Variants in SNX31 observed in about 807,000 individuals in gnomAD.
The protein encoded by SNX31 is sorting nexin 31.
In SNX31, 58 loss-of-function variants were observed where a neutral mutation model predicts 65.4. The observed-to-expected ratio is 0.89, with a 90% confidence interval of 0.72 to 1.10. SNX31 has a LOEUF of 1.10. SNX31 is among the 50% of genes least tolerant of loss of function. SNX31 has a pLI of 0.00. For synonymous variants in SNX31, 181 were observed against 190.1 expected (o/e 0.95, Z 0.39); for missense variants, 523 against 529.7 (o/e 0.99, Z 0.12).
rs1438337483 is a variant in SNX31 at position 100,613,616 on chromosome 8, T to C, written c.433-531A>G. ...CTTGATGTTTCCTGCGATGGTCAAC[T>C]GTAATTTACTAGGATGTTTGCAAAA... On this transcript the variant is annotated intron_variant, in intron 5 of 13. Transcript: ENST00000311812. The surrounding 1 kb of genome is among the most constrained non-coding windows in gnomAD (Gnocchi z 5.2). Among the ~76,000 whole-genome samples the C allele has an allele frequency of 2.0e-5, 3 of 152,256 alleles. No homozygotes were observed. The highest frequency in any genetic ancestry group is 2.9e-5 in the Non-Finnish European group (2 of 68,044).
At position 100,596,632 on chromosome 8, in the gene SNX31, T is replaced by C; in HGVS notation, c.978+7A>G. ...TCATGGGCAAAGCAAGGTGCCAAGA[T>C]ACTCACAAGGAAAGTGACCTGCCAG... On this transcript the variant is annotated splice_region_variant and intron_variant, in intron 10 of 13. Transcript: ENST00000311812. The C allele has an allele frequency of 6.2e-7, 1 of 1,613,402 alleles. No individual in the cohort carries two copies. The highest frequency in any genetic ancestry group is 8.5e-7 in the Non-Finnish European group (1 of 1,179,294).
At chr8:100,595,798 T>C (rs796860312) in intron 10 of SNX31, among the ~76,000 whole-genome samples, 10 of 152,110 alleles carry the variant, frequency 6.6e-5, no homozygotes, top group African/African-American at 2.4e-4. Flanking sequence ...CATCCAGAGG[T>C]AGAAAAAACT....
chr8:100,581,325 C>CTATATATATATA (rs1401988460), intron 12 of SNX31, among the ~76,000 whole-genome samples: 1,743 of 128,620 alleles, frequency 0.014, 98 homozygotes, highest in African/African-American at 0.053. Flanking sequence ...ATATCTATAT[C>CTATATATATATA]TATCTATCTA....
chr8:100,605,430 A>AATGATG (rs757369298), intron 8 of SNX31, among the ~76,000 whole-genome samples: 5 of 151,922 alleles, frequency 3.3e-5, no homozygotes, highest in Non-Finnish European at 7.4e-5. Flanking sequence ...TTCAGGGAAC[A>AATGATG]ATGATGATGA....
intron 9 of SNX31, among the ~76,000 whole-genome samples, chr8:100,597,148 T>C (rs1437579107): frequency 6.6e-6 from 1 of 151,778 alleles, no homozygotes; most frequent in Non-Finnish European, 1.5e-5. Flanking sequence ...ATTCCATGAG[T>C]AAATGAAGAA....
intron 4 of SNX31, 35 bp from the exon 5 acceptor site, chr8:100,617,765 A>G: frequency 7.8e-7 from 1 of 1,288,192 alleles, no homozygotes. Context: ...AAATTTCCAC[A>G]CCTTTTTTTT....
chr8:100,636,835 C>T (rs1273736105), intron 2 of SNX31, among the ~76,000 whole-genome samples: 3 of 152,148 alleles, frequency 2.0e-5, no homozygotes, highest in African/African-American at 7.2e-5. Context: ...AATTCTCCTG[C>T]CTCAGCCTCC....
rs1481140635 is a variant in SNX31 at position 100,622,523 on chromosome 8, T to TCTCA, written c.322-4794_322-4793insTGAG. On this transcript the variant is annotated intron_variant, in intron 4 of 13. Coordinates refer to ENST00000311812, the MANE Select transcript of SNX31 (RefSeq NM_152628.4). The surrounding 1 kb of genome is among the most constrained non-coding windows in gnomAD (Gnocchi z 5.0). Reference sequence around the variant, plus strand: ...GAAATTAGCTGGGCGTGGTGGCACATGCCTGTAATCTCAGCTACTTGGGAG... The same window carrying TCTCA: ...GAAATTAGCTGGGCGTGGTGGCACATCTCAGCCTGTAATCTCAGCTACTTGGGAG... 1.3e-5 allele frequency among the ~76,000 whole-genome samples: 2 copies of TCTCA among 152,030 alleles called. No homozygotes were observed. The highest frequency in any genetic ancestry group is 2.9e-5 in the Non-Finnish European group (2 of 68,000).
rs1253876243 is a variant in SNX31 at position 100,594,889 on chromosome 8, C to T, written c.978+1750G>A. 6.6e-6 allele frequency among the ~76,000 whole-genome samples: 1 copy of T among 152,170 alleles called. No individual in the cohort carries two copies. The highest frequency in any genetic ancestry group is 1.5e-5 in the Non-Finnish European group (1 of 68,026). On this transcript the variant is annotated intron_variant, in intron 10 of 13. Coordinates refer to ENST00000311812, the MANE Select transcript of SNX31 (RefSeq NM_152628.4). This position sits in a 1 kb window ranked among gnomAD's most constrained non-coding sequence, Gnocchi z 4.0. ...ATTCATAATAGCTAAAAACTAGAAA[C>T]AACCAGAGGTTCTTCAATGAGTAAA... is the stretch of plus-strand genomic sequence containing the variant.
intron 10 of SNX31, among the ~76,000 whole-genome samples, chr8:100,591,131 T>G (rs1044914831): frequency 2.0e-5 from 3 of 152,058 alleles, no homozygotes; most frequent in African/African-American, 7.2e-5. Context: ...GATCTACGCG[T>G]GTATAGAGTA....
At chr8:100,589,211 G>T (rs1814346255) in intron 10 of SNX31, among the ~76,000 whole-genome samples, 1 of 147,834 alleles carries the variant, frequency 6.8e-6, no homozygotes, top group Admixed American at 7.0e-5. Context: ...TGAGGCAGGA[G>T]AACCACTTGC....
At chr8:100,580,619 A>G (rs1314464330) in intron 12 of SNX31, among the ~76,000 whole-genome samples, 1 of 152,212 alleles carries the variant, frequency 6.6e-6, no homozygotes, top group African/African-American at 2.4e-5. Context: ...GCTGCCTAGA[A>G]TGTGGATGTA....
chr8:100,581,313 ATATATC>A (rs1380634582), intron 12 of SNX31, among the ~76,000 whole-genome samples: 1 of 124,680 alleles, frequency 8.0e-6, no homozygotes. Context: ...AAAATTTTTT[ATATATC>A]TATATCTATC....
chr8:100,586,896 G>A (rs1347246937), intron 11 of SNX31, among the ~76,000 whole-genome samples: 1 of 152,140 alleles, frequency 6.6e-6, no homozygotes, highest in Non-Finnish European at 1.5e-5. Context: ...TACAATTTTG[G>A]TTTCAATTTG....
intron 3 of SNX31, among the ~76,000 whole-genome samples, chr8:100,634,483 A>G (rs1040136801): frequency 6.6e-6 from 1 of 151,280 alleles, no homozygotes; most frequent in African/African-American, 2.4e-5. Flanking sequence ...ATGGTGGCTC[A>G]CCCCTGTAAT....
Position 100,622,103 on chromosome 8 carries a change from G to A in SNX31, c.322-4373C>T, listed in dbSNP as rs756903650. 3.3e-5 allele frequency among the ~76,000 whole-genome samples: 5 copies of A among 152,124 alleles called. No individual in the cohort carries two copies. Among genetic ancestry groups the A allele is most frequent in the East Asian group, 1.9e-4 (1 of 5,202 alleles). ...GACAATGAAAATAACCTGACTAATC[G>A]GAAGTAGTTGAGTTCTACCTTCTCC... On this transcript the variant is annotated intron_variant, in intron 4 of 13. Transcript: ENST00000311812. The surrounding 1 kb of genome is among the most constrained non-coding windows in gnomAD (Gnocchi z 5.0).
intron 2 of SNX31, among the ~76,000 whole-genome samples, chr8:100,643,918 C>T (rs905118209): frequency 3.9e-5 from 6 of 152,146 alleles, no homozygotes; most frequent in African/African-American, 9.7e-5. Flanking sequence ...CATGAAGCGG[C>T]ACAGCAATCA....
In SNX31 at chr8:100,604,178, G is replaced by A. The variant is rs891329651; in HGVS notation, c.682-3737C>T. ...TCTAGACAAGTCTACTCAGTTACAC[G>A]GTTCCCTGAACACTGGCTGAGAGGG... On this transcript the variant is annotated intron_variant, in intron 8 of 13. Transcript: ENST00000311812. The surrounding 1 kb of genome is among the most constrained non-coding windows in gnomAD (Gnocchi z 4.3). Among the ~76,000 whole-genome samples the A allele has an allele frequency of 2.0e-5, 3 of 151,968 alleles. No homozygotes were observed. Among genetic ancestry groups the A allele is most frequent in the Non-Finnish European group, 4.4e-5 (3 of 68,016 alleles).
At position 100,617,642 on chromosome 8, in the gene SNX31, T is replaced by C. The variant is rs760919579; in HGVS notation, c.410A>G (p.Asp137Gly). 3 of 1,612,156 alleles carry C rather than the reference T, an allele frequency of 1.9e-6. No homozygotes were observed. The highest frequency in any genetic ancestry group is 4.5e-5 in the East Asian group (2 of 44,866). Reference sequence around the variant, plus strand: ...TACCTCTAGGACTCTTTCAGCAGTGTCTGATGTTATAATTTCGATTCTAAT... The same window carrying C: ...TACCTCTAGGACTCTTTCAGCAGTGCCTGATGTTATAATTTCGATTCTAAT... ...QSIRIEIITS[D>G]TAERVLEVVS... Residue 137 changes from aspartate to glycine, a missense_variant, in exon 5 of 14, where the codon GAC becomes GGC. By Grantham distance (94) the Asp-to-Gly change is moderately conservative (BLOSUM62 -1). Transcript: ENST00000311812.
Sources: gnomAD v4.1 joint callset for allele counts (sites outside exome capture counted in the v4.1 genomes callset) on GRCh38, gnomAD v4.1.1 for gene constraint, Gnocchi (gnomAD v3.1) non-coding constraint, MANE v1.5 for transcripts, NCBI Gene and HGNC (gene_info 2026-07-23, HGNC 2026-07-21) for gene names.